MORC4: variants seen among roughly 807,000 people sequenced by gnomAD.
MORC4 encodes MORC family CW-type zinc finger 4.
MORC4 carries 22 observed loss-of-function variants against 65.5 expected under a neutral mutation model. The ratio of observed to expected loss-of-function variants is 0.34; its 90% CI spans 0.24 to 0.48. MORC4 has a LOEUF of 0.48. MORC4 is among the 20% of genes least tolerant of loss of function. The probability of loss-of-function intolerance (pLI) is 0.99; values close to 1 mark genes in which losing one functional copy is unlikely to be tolerated. For synonymous variants in MORC4, 267 were observed against 255.8 expected (o/e 1.04, Z -0.42); for missense variants, 624 against 703.0 (o/e 0.89, Z 1.27).
At chrX:106,960,203 T>C (rs370393577) in intron 10 of MORC4, among the ~76,000 whole-genome samples, 6 of 112,352 alleles carry the variant, frequency 5.3e-5, no homozygotes, top group African/African-American at 1.9e-4. Flanking sequence ...CGGTTCTACA[T>C]GCATATGCAT....
At chrX:106,959,873 T>A (rs1934192193) in intron 10 of MORC4, among the ~76,000 whole-genome samples, 1 of 112,777 alleles carries the variant, frequency 8.9e-6, no homozygotes, top group Non-Finnish European at 1.9e-5. Flanking sequence ...ATAAAAGTAA[T>A]ATAAGCTCAT....
chrX:106,985,188 A>C lies in MORC4; in HGVS notation c.582T>G (p.Tyr194Ter). 1 of 1,199,886 alleles carries C rather than the reference A, an allele frequency of 8.3e-7. No individual in the cohort carries two copies. The highest frequency in any genetic ancestry group is 1.1e-6 in the Non-Finnish European group (1 of 887,348). ...GGTCATTTTCACGGTTGAAAATGGA[A>C]TAGTTCAAGATGGCTTCTAGGCTGG... ...SLPSLEAILN[Y>*]SIFNRENDLL... is the part of the protein sequence containing the mutation. Residue 194 changes from tyrosine (Y) to a stop codon, truncating the protein, a stop_gained, in exon 5 of 17, where the codon TAT becomes TAG. Transcript: ENST00000355610. LOFTEE classifies it high-confidence loss of function.
chrX:106,977,184 C>G (rs1340156329), intron 8 of MORC4, among the ~76,000 whole-genome samples: 1 of 111,793 alleles, frequency 8.9e-6, no homozygotes, highest in Admixed American at 9.5e-5. Context: ...GTCACACTTA[C>G]AGCAATTATT....
intron 9 of MORC4, among the ~76,000 whole-genome samples, chrX:106,968,454 T>G (rs752353174): frequency 9.1e-6 from 1 of 109,450 alleles, no homozygotes; most frequent in South Asian, 4.1e-4. Context: ...AGGATCAAAT[T>G]CACACATAAC....
chrX:106,968,065 A>T (rs370804119), intron 9 of MORC4, among the ~76,000 whole-genome samples: 6 of 112,129 alleles, frequency 5.4e-5, no homozygotes, highest in African/African-American at 1.9e-4. Context: ...GCAGCCAGAG[A>T]GAAAGGGCGG....
intron 5 of MORC4, among the ~76,000 whole-genome samples, chrX:106,982,467 T>C (rs1165117869): frequency 9.0e-6 from 1 of 111,668 alleles, no homozygotes; most frequent in African/African-American, 3.3e-5. Context: ...CCCATGTCAA[T>C]GTATAATAGC....
chrX:106,978,205 A>G lies in MORC4; in HGVS notation c.937-6T>C, dbSNP rs751388896. The G allele has an allele frequency of 9.2e-6, 11 of 1,200,991 alleles. No individual in the cohort carries two copies. Among genetic ancestry groups the G allele is most frequent in the African/African-American group, 1.8e-5 (1 of 56,735 alleles). On this transcript the variant is annotated splice_region_variant and splice_polypyrimidine_tract_variant and intron_variant, in intron 7 of 16. Coordinates refer to ENST00000355610, the MANE Select transcript of MORC4 (RefSeq NM_024657.5). The stretch of plus-strand genomic sequence containing the variant: ...GTGATTCTCACCTGCTTATTCTGAG[A>G]AGAACATCGTTAAGGAGACAAACAT...
At chrX:106,960,695 T>A (rs1602484884) in intron 10 of MORC4, among the ~76,000 whole-genome samples, 1 of 112,024 alleles carries the variant, frequency 8.9e-6, no homozygotes, top group East Asian at 2.8e-4. Context: ...ACACACTCTC[T>A]AGCAGTATGT....
At chrX:106,957,977 A>C (rs1934150018) in intron 11 of MORC4, among the ~76,000 whole-genome samples, 1 of 112,416 alleles carries the variant, frequency 8.9e-6, no homozygotes, top group African/African-American at 3.2e-5. Context: ...AAATCACTGT[A>C]AACTATGGTC....
At chrX:106,964,807 C>T (rs1431069778) in intron 9 of MORC4, among the ~76,000 whole-genome samples, 7 of 111,204 alleles carry the variant, frequency 6.3e-5, no homozygotes, top group Admixed American at 1.9e-4. Flanking sequence ...GCCAGGAGTT[C>T]GAGACTAGCC....
At chrX:106,958,291 A>T in intron 11 of MORC4, 45 bp downstream of exon 11, 1 of 1,138,787 alleles carries the variant, frequency 8.8e-7, no homozygotes, top group South Asian at 2.0e-5. Flanking sequence ...TATAGAGATA[A>T]ATCAGGAGTT....
Position 106,999,882 on chromosome X carries a change from TC to T in MORC4, c.87del (p.Ile30SerfsTer3). The T allele has an allele frequency of 1.2e-6, 1 of 832,138 alleles. No homozygotes were observed. The highest frequency in any genetic ancestry group is 1.4e-6 in the Non-Finnish European group (1 of 689,886). The allele number at this position is 832,138 out of a possible 1,213,427, so 68.6% of individuals were successfully genotyped here. ...CCCGGACCTACCGTGCTCAGGCGGA[TC>T]CCGAAGGCCTGCGGGCCGCCGCCGG... Reference protein sequence around the residue: ...ARPGGGPQAFGIRLSTMSPRY... With the variant: ...ARPGGGPQAFXIRLSTMSPRY... On this transcript the variant is annotated frameshift_variant, in exon 1 of 17. Coordinates refer to ENST00000355610, the MANE Select transcript of MORC4 (RefSeq NM_024657.5). LOFTEE classifies it high-confidence loss of function.
At chrX:106,942,333 T>G in intron 15 of MORC4, 112 bp from the exon 16 acceptor site, 1 of 969,123 alleles carries the variant, frequency 1.0e-6, no homozygotes, top group Non-Finnish European at 1.4e-6. Flanking sequence ...CTTATGGGCC[T>G]TTTCAATACC....
rs777178697 is a variant in MORC4, at chrX:106,967,691, T to C, written c.1158-5581A>G. ...GCATACACAAGCTTCAATAGCAGAT[T>C]TGATGAAGCGGAAGAAAGGAAATCA... On this transcript the variant is annotated intron_variant, in intron 9 of 16. Transcript: ENST00000355610. 3.9e-3 allele frequency among the ~76,000 whole-genome samples: 440 copies of C among 111,771 alleles called. 4 individuals are homozygous for C. The highest frequency in any genetic ancestry group is 0.014 in the African/African-American group (432 of 30,795).
rs145026754 is a variant in MORC4 at position 106,942,889 on chromosome X, T to G, written c.2002A>C (p.Arg668=). The G allele has an allele frequency of 2.2e-5, 27 of 1,210,172 alleles. No individual in the cohort carries two copies. In the African/African-American group the frequency reaches 4.5e-4, roughly 20 times the overall value. The change falls in exon 15 of 17, where the codon AGA becomes CGA. Residue 668 remains arginine, a synonymous_variant. Coordinates refer to ENST00000355610, the MANE Select transcript of MORC4 (RefSeq NM_024657.5). ...LPEELEDQMP[R]LVAEESNRGS... is the part of the protein sequence containing the mutation. Reference sequence around the variant, plus strand: ...CTGTTAGATTCTTCTGCCACCAATCTTGGCATCTGATCTTCTAATTCTTCA... The same window carrying G: ...CTGTTAGATTCTTCTGCCACCAATCGTGGCATCTGATCTTCTAATTCTTCA...
Position 106,985,125 on chromosome X carries a change from G to A in MORC4, c.645C>T (p.Gly215=), listed in dbSNP as rs754033254. Residue 215 remains glycine, a synonymous_variant, in exon 5 of 17, where the codon GGC becomes GGT. Coordinates refer to ENST00000355610, the MANE Select transcript of MORC4 (RefSeq NM_024657.5). ...GGATGTTCCAAATGAGAACACGAGT[G>A]CCTTTTTTGCCTGGGATGGCATCAA... ...AQFDAIPGKK[G]TRVLIWNIRR... The A allele has an allele frequency of 3.3e-6, 4 of 1,203,515 alleles. No individual in the cohort carries two copies. Among genetic ancestry groups the A allele is most frequent in the Non-Finnish European group, 4.5e-6 (4 of 891,328 alleles).
intron 9 of MORC4, among the ~76,000 whole-genome samples, chrX:106,971,223 C>T (rs1471049207): frequency 3.6e-5 from 4 of 111,681 alleles, no homozygotes; most frequent in South Asian, 7.6e-4. Flanking sequence ...GGAAAAGATT[C>T]GATATTTAAT....
At chrX:106,958,245 G>T in intron 11 of MORC4, 91 bp downstream of exon 11, 1 of 889,200 alleles carries the variant, frequency 1.1e-6, no homozygotes, top group Non-Finnish European at 1.6e-6. Context: ...ATGCCAGGCT[G>T]AAGGGTGTGA....
chrX:106,994,665 CAG>C (rs1029889725), intron 2 of MORC4, among the ~76,000 whole-genome samples: 1 of 112,025 alleles, frequency 8.9e-6, no homozygotes, highest in Non-Finnish European at 1.9e-5. Flanking sequence ...ATGGTATTGC[CAG>C]AGTCATTGAT....
Sources: allele counts gnomAD v4.1 joint callset (sites outside exome capture counted in the v4.1 genomes callset), GRCh38; gene constraint gnomAD v4.1.1; transcripts MANE v1.5; gene names NCBI Gene and HGNC (gene_info 2026-07-23, HGNC 2026-07-21).